PHC3: variants seen among roughly 807,000 people sequenced by gnomAD.
PHC3 encodes polyhomeotic-like protein 3.
In PHC3, 13 loss-of-function variants were observed where a neutral mutation model predicts 107.4. The ratio of observed to expected loss-of-function variants is 0.12; its 90% confidence interval spans 0.08 to 0.19. The LOEUF (loss-of-function observed/expected upper bound fraction) is 0.19, where lower values mean the gene tolerates loss of function less well. Among genes scored for constraint, PHC3 ranks in the 10% least tolerant of loss-of-function variants. PHC3 has a pLI of 1.00. For synonymous variants in PHC3, 456 were observed against 427.4 expected, an observed-to-expected ratio of 1.07 and a Z score of -0.83; for missense variants, 992 against 1,210.9, an observed-to-expected ratio of 0.82 and a Z score of 2.68.
At chr3:170,125,016 A>G (rs1391023704) in intron 8 of PHC3, among the ~76,000 whole-genome samples, 1 of 152,218 alleles carries the variant, frequency 6.6e-6, no homozygotes, top group East Asian at 1.9e-4. Flanking sequence ...GGATAATTTT[A>G]TATCAAACAT....
chr3:170,115,497 G>A (rs1718742011), intron 10 of PHC3, among the ~76,000 whole-genome samples: 2 of 152,166 alleles, frequency 1.3e-5, no homozygotes, highest in East Asian at 3.9e-4. Context: ...TGGTATTAAT[G>A]TGTACTGTGG....
chr3:170,133,989 A>G (rs1722659280), intron 7 of PHC3, among the ~76,000 whole-genome samples: 1 of 152,074 alleles, frequency 6.6e-6, no homozygotes, highest in Non-Finnish European at 1.5e-5. Context: ...ATCACTAGAA[A>G]TTGTCCCTGA....
intron 2 of PHC3, among the ~76,000 whole-genome samples, chr3:170,177,399 T>G (rs1329162752): frequency 6.6e-6 from 1 of 152,122 alleles, no homozygotes; most frequent in Non-Finnish European, 1.5e-5. Flanking sequence ...GGAGTCTCAC[T>G]CTTTTTGCCC....
Position 170,143,398 on chromosome 3 carries a change from T to C in PHC3, c.672+2025A>G, listed in dbSNP as rs901604803. The stretch of plus-strand genomic sequence containing the variant: ...GAAGAAAGCTGGATTTAACCGACCA[T>C]CATCTTTATAAATTAATACATGAAA... On this transcript the variant is annotated intron_variant, in intron 6 of 14. Transcript: ENST00000495893. Among the ~76,000 whole-genome samples, 8 of 152,278 alleles carry C rather than the reference T, an allele frequency of 5.3e-5. 1 individual carries two copies.
intron 11 of PHC3, among the ~76,000 whole-genome samples, chr3:170,112,655 C>T (rs1198067204): frequency 1.3e-5 from 2 of 151,486 alleles, no homozygotes; most frequent in African/African-American, 2.4e-5. Context: ...TCCCAAGTAG[C>T]TGGTATTACA....
At chr3:170,160,035 C>A (rs191032102) in intron 4 of PHC3, among the ~76,000 whole-genome samples, 75 of 152,244 alleles carry the variant, frequency 4.9e-4, no homozygotes, top group Admixed American at 1.6e-3. Flanking sequence ...TCATACTGTC[C>A]TTTGACTATT....
At chr3:170,171,619 A>G (rs1480126628) in intron 3 of PHC3, among the ~76,000 whole-genome samples, 169 bp from the exon 4 acceptor site, 1 of 152,242 alleles carries the variant, frequency 6.6e-6, no homozygotes, top group Non-Finnish European at 1.5e-5. Context: ...TTTTTTAAAT[A>G]AGGAAAAGCT....
chr3:170,179,129 AG>A (rs1238921536), intron 1 of PHC3, among the ~76,000 whole-genome samples, 191 bp from the exon 2 acceptor site: 1 of 152,226 alleles, frequency 6.6e-6, no homozygotes, highest in Non-Finnish European at 1.5e-5. Flanking sequence ...CATATTTAAT[AG>A]TTAATACCTA....
chr3:170,136,233 A>G (rs1723053266), intron 7 of PHC3, 186 bp downstream of exon 7: 1 of 647,500 alleles, frequency 1.5e-6, no homozygotes, highest in African/African-American at 1.9e-5. Context: ...TATTGTTACA[A>G]TTTATTTTAT....
intron 4 of PHC3, among the ~76,000 whole-genome samples, chr3:170,164,986 C>T (rs571278470): frequency 1.3e-5 from 2 of 152,190 alleles, no homozygotes; most frequent in Non-Finnish European, 2.9e-5. Flanking sequence ...GAGAACAGGA[C>T]TTTCATACTA....
intron 4 of PHC3, among the ~76,000 whole-genome samples, chr3:170,163,392 G>A (rs925330009): frequency 6.6e-6 from 1 of 151,892 alleles, no homozygotes; most frequent in African/African-American, 2.4e-5. Flanking sequence ...AAGTCACTCA[G>A]AGACTTATGA....
intron 4 of PHC3, among the ~76,000 whole-genome samples, chr3:170,168,525 G>A (rs1729083141): frequency 6.6e-6 from 1 of 151,764 alleles, no homozygotes; most frequent in Non-Finnish European, 1.5e-5. Context: ...CAGCACTTTG[G>A]GAGGCCGAGG....
At chr3:170,150,182 C>A (rs75441213) in intron 4 of PHC3, among the ~76,000 whole-genome samples, 1,857 of 152,190 alleles carry the variant, frequency 0.012, 40 homozygotes, top group African/African-American at 0.042. Context: ...ACAGTTTATT[C>A]TGTCACATTC....
At chr3:170,113,336 G>A (rs1431174288) in intron 11 of PHC3, 24 bp downstream of exon 11, 3 of 1,578,024 alleles carry the variant, frequency 1.9e-6, no homozygotes, top group South Asian at 1.2e-5. Context: ...AAATTAAAGG[G>A]TATCTTAAGT....
chr3:170,175,397 G>C (rs1730263514), intron 2 of PHC3, among the ~76,000 whole-genome samples: 2 of 152,220 alleles, frequency 1.3e-5, no homozygotes, highest in South Asian at 4.1e-4. Flanking sequence ...CAGCACTTTG[G>C]GAGGCTAAGG....
rs551929368 is a variant in PHC3 at position 170,155,010 on chromosome 3, A to G, written c.415-5766T>C. Among the ~76,000 whole-genome samples the G allele has an allele frequency of 4.6e-5, 7 of 152,306 alleles. No individual in the cohort carries two copies. In the East Asian group the frequency reaches 1.3e-3, roughly 29 times the overall value. On this transcript the variant is annotated intron_variant, in intron 4 of 14. Transcript: ENST00000495893. ...AGACCCTGACCAATCCTGTCACTTC[A>G]TATCTCAAGTCACACTCCACAAAGA...
intron 9 of PHC3, among the ~76,000 whole-genome samples, chr3:170,120,054 A>T (rs188540391): frequency 6.6e-6 from 1 of 152,306 alleles, no homozygotes; most frequent in Non-Finnish European, 1.5e-5. Flanking sequence ...TTCAAGTACT[A>T]TTAGTAATGC....
At chr3:170,118,234 G>A (rs1015655474) in intron 9 of PHC3, among the ~76,000 whole-genome samples, 2 of 152,130 alleles carry the variant, frequency 1.3e-5, no homozygotes, top group African/African-American at 4.8e-5. Context: ...GAAATCCACA[G>A]AACAAGTAGA....
intron 5 of PHC3, among the ~76,000 whole-genome samples, chr3:170,146,877 CTTTTT>C (rs1035803336): frequency 3.1e-5 from 3 of 97,996 alleles, no homozygotes; most frequent in Non-Finnish European, 4.2e-5. Context: ...TCTATTTTTT[CTTTTT>C]TTTTTTTTTT....
Sources: allele counts gnomAD v4.1 joint callset (sites outside exome capture counted in the v4.1 genomes callset), GRCh38; gene constraint gnomAD v4.1.1; transcripts MANE v1.5; gene names NCBI Gene and HGNC (gene_info 2026-07-23, HGNC 2026-07-21).